Variants in EARS2 observed in about 807,000 individuals in gnomAD.
The protein encoded by EARS2 is glutamyl-tRNA synthetase 2, mitochondrial, also known as nondiscriminating glutamyl-tRNA synthetase EARS2, mitochondrial.
In EARS2, 50 loss-of-function variants were observed where a neutral mutation model predicts 54.1. The ratio of observed to expected loss-of-function variants is 0.92; its 90% CI spans 0.74 to 1.17. The LOEUF is 1.17. EARS2 is among the 50% of genes most tolerant of loss of function. EARS2 has a pLI of 0.00. For synonymous variants in EARS2, 298 were observed against 281.0 expected, an observed-to-expected ratio of 1.06 and a Z score of -0.61; for missense variants, 673 against 675.0, an observed-to-expected ratio of 1.00 and a Z score of 0.03.
intron 3 of EARS2, among the ~76,000 whole-genome samples, chr16:23,542,015 T>G (rs1388283139): frequency 6.6e-6 from 1 of 152,032 alleles, no homozygotes; most frequent in Non-Finnish European, 1.5e-5. Flanking sequence ...CCCGCCATCA[T>G]GCCCAGCTAA....
At chr16:23,550,934 T>A (rs1441006361) in intron 2 of EARS2, 1 of 152,078 alleles carries the variant, frequency 6.6e-6, no homozygotes, top group Admixed American at 6.6e-5. Context: ...TGTCGACCCA[T>A]GAAAAGGAAA....
intron 1 of EARS2, among the ~76,000 whole-genome samples, chr16:23,555,001 G>C (rs762189399): frequency 2.0e-5 from 3 of 152,104 alleles, no homozygotes; most frequent in Non-Finnish European, 4.4e-5. Flanking sequence ...TTCCCACATG[G>C]GCTTTCCCCG....
chr16:23,525,908 G>A (rs1026630590), intron 7 of EARS2, among the ~76,000 whole-genome samples: 1 of 150,926 alleles, frequency 6.6e-6, no homozygotes, highest in South Asian at 2.1e-4. Flanking sequence ...TGAGGCAGAA[G>A]AATTGCTTGA....
intron 7 of EARS2, among the ~76,000 whole-genome samples, chr16:23,527,625 C>T (rs1005136865): frequency 6.8e-6 from 1 of 146,814 alleles, no homozygotes; most frequent in Non-Finnish European, 1.5e-5. Context: ...GCAACCTCAG[C>T]TCACTGCAAG....
At chr16:23,549,597 G>A (rs1006718278) in intron 2 of EARS2, among the ~76,000 whole-genome samples, 4 of 152,160 alleles carry the variant, frequency 2.6e-5, no homozygotes, top group African/African-American at 7.2e-5. Context: ...CCAAGTAGCT[G>A]GGACTATAAG....
At chr16:23,551,844 C>T (rs551126129) in intron 2 of EARS2, among the ~76,000 whole-genome samples, 1 of 152,222 alleles carries the variant, frequency 6.6e-6, no homozygotes, top group Non-Finnish European at 1.5e-5. Context: ...GGCGTGAACC[C>T]GGAAGGCGGA....
rs769320749 is a variant in EARS2, at chr16:23,524,397, G to A, written c.1546C>T (p.Arg516Trp). The A allele has an allele frequency of 7.4e-6, 12 of 1,614,014 alleles. No individual in the cohort carries two copies. Among genetic ancestry groups the A allele is most frequent in the South Asian group, 3.3e-5 (3 of 91,082 alleles). ...LALGPKEVRE[R>W]IQKVVSS ...TAGCTGGAAACCACCTTCTGGATCC[G>A]TTCCCGTACTTCCTTTGGTCCCAAG... The change falls in exon 9 of 9, where the codon CGG becomes TGG. Residue 516 changes from arginine to tryptophan, a missense_variant. Around this residue, in one of 3 missense-constraint regions of EARS2, gnomAD observed 338 missense variants for 361.2 expected, o/e 0.94. Transcript: ENST00000449606.
rs1965391027 is a variant in EARS2, at chr16:23,535,066, G to C, written c.780C>G (p.Leu260=). The C allele has an allele frequency of 6.2e-7, 1 of 1,605,986 alleles. No individual in the cohort carries two copies. Among genetic ancestry groups the C allele is most frequent in the East Asian group, 2.2e-5 (1 of 44,450 alleles). ...WLVSTAKHLL[L]YQALGWQPPH... is the part of the protein sequence containing the mutation. ...GTGGCTGCCAGCCCAGGGCCTGGTA[G>C]AGGAGCAGGTGCTTGGCAGTGGAGA... The change falls in exon 4 of 9, where the codon CTC becomes CTG. Residue 260 remains leucine, a synonymous_variant. Transcript: ENST00000449606.
At chr16:23,544,391 G>T in intron 3 of EARS2, 123 bp downstream of exon 3, 9 of 1,006,862 alleles carry the variant, frequency 8.9e-6, no homozygotes, top group Non-Finnish European at 1.3e-5. Context: ...GTGAGGCCAC[G>T]CTCAGATGCC....
intron 2 of EARS2, chr16:23,546,353 G>A (rs1340806435): frequency 4.4e-6 from 2 of 455,612 alleles, no homozygotes; most frequent in Non-Finnish European, 8.8e-6. Context: ...AACACAAACT[G>A]AGCTGAGTGG....
rs1452935161 is a variant in EARS2 at position 23,543,436 on chromosome 16, C to CA, written c.485+1077dup. ...CTATGAAAAAAAACAACAACAACAA[C>CA]AACAAAAAAAAAACCAAAAAACCTG... On this transcript the variant is annotated intron_variant, in intron 3 of 8. Transcript: ENST00000449606. Among the ~76,000 whole-genome samples, 638 of 139,650 alleles carry CA rather than the reference C, an allele frequency of 4.6e-3. 4 individuals carry two copies. Among genetic ancestry groups the CA allele is most frequent in the African/African-American group, 0.013 (485 of 38,206 alleles). 91.6% of individuals were successfully genotyped at this position (139,650 alleles called of 152,430 possible).
In EARS2 at chr16:23,557,002, A is replaced by T. The variant is rs141250183; in HGVS notation, c.139+203T>A. The T allele has an allele frequency of 2.5e-4, 209 of 831,024 alleles. 1 individual carries two copies. The highest frequency in any genetic ancestry group is 3.9e-4 in the Non-Finnish European group (200 of 512,908). The allele number at this position is 831,024 out of a possible 1,614,324, so 51.5% of individuals were successfully genotyped here. ...AGATCGAAAGAGATGGGATGGCACA[A>T]AAAACACAAGAAACTCCTGGCAATT... On this transcript the variant is annotated intron_variant, in intron 1 of 8. Transcript: ENST00000449606.
chr16:23,542,941 CCTCT>C (rs140752433), intron 3 of EARS2, among the ~76,000 whole-genome samples: 12,300 of 150,822 alleles, frequency 0.082, 873 homozygotes, highest in African/African-American at 0.19. Flanking sequence ...ATGGCGAAAC[CCTCT>C]CTCTATTAAA....
intron 1 of EARS2, among the ~76,000 whole-genome samples, chr16:23,554,386 C>T (rs1035245920): frequency 6.6e-6 from 1 of 152,188 alleles, no homozygotes; most frequent in African/African-American, 2.4e-5. Flanking sequence ...CACTGTATTT[C>T]TCTTCATCAG....
At chr16:23,544,449 C>A (rs575697734) in intron 3 of EARS2, 65 bp downstream of exon 3, 1 of 1,488,342 alleles carries the variant, frequency 6.7e-7, no homozygotes, top group East Asian at 2.3e-5. Context: ...GAATTTCTTA[C>A]GCAGCACAAG....
At chr16:23,535,398 A>T (rs1336697795) in intron 3 of EARS2, 38 bp from the exon 4 acceptor site, 1 of 1,568,630 alleles carries the variant, frequency 6.4e-7, no homozygotes, top group East Asian at 2.2e-5. Flanking sequence ...CTGTTGATGG[A>T]AAGGTTGATG....
intron 1 of EARS2, chr16:23,556,884 CCCTA>C (rs1199946227): frequency 3.4e-6 from 2 of 592,842 alleles, no homozygotes; most frequent in African/African-American, 1.8e-5. Flanking sequence ...AGAGCAAGGC[CCCTA>C]CCTTTCTCAA....
chr16:23,529,975 G>A (rs1475640387), intron 5 of EARS2, 78 bp from the exon 6 acceptor site: 6 of 1,547,890 alleles, frequency 3.9e-6, no homozygotes, highest in East Asian at 4.5e-5. Context: ...GGGAAAGGGT[G>A]AAGTTGGAAG....
At chr16:23,537,809 T>TTTTTA (rs1965447881) in intron 3 of EARS2, among the ~76,000 whole-genome samples, 1 of 150,676 alleles carries the variant, frequency 6.6e-6, no homozygotes, top group African/African-American at 2.4e-5. Flanking sequence ...TTTTTTTTTT[T>TTTTTA]GAGTCAGGGT....
Sources: gnomAD v4.1 joint callset for allele counts (sites outside exome capture counted in the v4.1 genomes callset) on GRCh38, gnomAD v4.1.1 for gene constraint, gnomAD v4.1.1 regional missense constraint, MANE v1.5 for transcripts, NCBI Gene and HGNC (gene_info 2026-07-23, HGNC 2026-07-21) for gene names.